Variants in GRM5 observed in about 807,000 individuals in gnomAD.
GRM5 encodes the protein glutamate metabotropic receptor 5.
Under a neutral mutation model 83.1 loss-of-function variants are expected in GRM5, and 19 were observed. The ratio of observed to expected loss-of-function variants is 0.23; its 90% CI spans 0.16 to 0.34. The LOEUF (loss-of-function observed/expected upper bound fraction) is 0.34. Among genes scored for constraint, GRM5 ranks in the 10% least tolerant of loss-of-function variants. GRM5 has a pLI of 1.00. For synonymous variants in GRM5, 675 were observed against 633.6 expected (o/e 1.07, Z -0.98); for missense variants, 1,160 against 1,588.3 (o/e 0.73, Z 4.58).
At chr11:88,930,391 G>C (rs1374280193) in intron 2 of GRM5, among the ~76,000 whole-genome samples, 3 of 152,122 alleles carry the variant, frequency 2.0e-5, no homozygotes, top group Non-Finnish European at 2.9e-5. Flanking sequence ...TCCAGCCCGG[G>C]CAACAGAAGT....
rs190663931 is a variant in GRM5, at chr11:88,985,151, G to C, written c.661+62061C>G. ...CTCTTAATCTCACCATGTTTTTTAA[G>C]ATTTGGTTGCAGTATCATCATTTCT... On this transcript the variant is annotated intron_variant, in intron 2 of 9. Transcript: ENST00000305447. 1.8e-3 allele frequency among the ~76,000 whole-genome samples: 272 copies of C among 152,124 alleles called. 1 individual carries two copies. Among genetic ancestry groups the C allele is most frequent in the African/African-American group, 6.3e-3 (262 of 41,540 alleles).
chr11:89,055,931 C>CAG (rs200237838), intron 1 of GRM5, among the ~76,000 whole-genome samples: 35,571 of 151,892 alleles, frequency 0.23, 5,626 homozygotes, highest in Non-Finnish European at 0.36. Context: ...AACTGAGGCT[C>CAG]AGAGAGATAC....
At chr11:88,971,931 A>G (rs1164381603) in intron 2 of GRM5, among the ~76,000 whole-genome samples, 2 of 152,062 alleles carry the variant, frequency 1.3e-5, no homozygotes, top group African/African-American at 4.8e-5. Flanking sequence ...TGCCAGAGGT[A>G]CTCTAGGGGC....
chr11:88,755,628 G>C (rs1248551800), intron 3 of GRM5, among the ~76,000 whole-genome samples: 5 of 152,150 alleles, frequency 3.3e-5, no homozygotes, highest in South Asian at 2.1e-4. Flanking sequence ...TGGAATTGTA[G>C]TATGCCTAAG....
At chr11:88,655,363 G>A (rs1322883780) in intron 3 of GRM5, among the ~76,000 whole-genome samples, 1 of 152,004 alleles carries the variant, frequency 6.6e-6, no homozygotes, top group Admixed American at 6.6e-5. Context: ...AGCAGCATGG[G>A]CGTGTTGCAA....
At chr11:89,036,455 C>T (rs1010285994) in intron 2 of GRM5, among the ~76,000 whole-genome samples, 1 of 151,750 alleles carries the variant, frequency 6.6e-6, no homozygotes, top group Non-Finnish European at 1.5e-5. Context: ...TCTTCAAGGC[C>T]AAGATAAGGC....
chr11:89,042,162 G>A (rs945898546), intron 2 of GRM5, among the ~76,000 whole-genome samples: 7 of 152,020 alleles, frequency 4.6e-5, no homozygotes, highest in Non-Finnish European at 8.8e-5. Context: ...CTCCTGTGAA[G>A]GCTAATTTTT....
intron 8 of GRM5, among the ~76,000 whole-genome samples, chr11:88,554,837 T>G (rs1404813604): frequency 6.6e-6 from 1 of 152,076 alleles, no homozygotes; most frequent in East Asian, 1.9e-4. Flanking sequence ...ATGGGCAGAG[T>G]GGAGAGTATG....
intron 3 of GRM5, among the ~76,000 whole-genome samples, chr11:88,718,094 C>T (rs1205151446): frequency 6.6e-6 from 1 of 151,716 alleles, no homozygotes; most frequent in East Asian, 1.9e-4. Context: ...TGTAGTCTAG[C>T]CCCTGGCTAC....
At chr11:89,061,830 T>G (rs1165482318) in intron 1 of GRM5, among the ~76,000 whole-genome samples, 1 of 152,242 alleles carries the variant, frequency 6.6e-6, no homozygotes, top group Admixed American at 6.5e-5. Context: ...GGGCTTTTTG[T>G]GAGTGTGTAG....
chr11:88,817,244 C>T (rs1487018494), intron 3 of GRM5, among the ~76,000 whole-genome samples: 2 of 152,002 alleles, frequency 1.3e-5, no homozygotes, highest in Non-Finnish European at 2.9e-5. Flanking sequence ...ATTTTGGATA[C>T]GTTTGCTTAT....
chr11:88,835,846 T>A (rs1944085183), intron 3 of GRM5, among the ~76,000 whole-genome samples: 1 of 152,112 alleles, frequency 6.6e-6, no homozygotes. Context: ...AATGAGGAGG[T>A]AGTTCAAATG....
intron 2 of GRM5, among the ~76,000 whole-genome samples, chr11:88,926,230 TA>T (rs1473696445): frequency 6.6e-6 from 1 of 152,122 alleles, no homozygotes; most frequent in African/African-American, 2.4e-5. Context: ...CAAATCCTTC[TA>T]AAATCAAAAA....
chr11:88,677,136 A>G (rs1940352455), intron 3 of GRM5, among the ~76,000 whole-genome samples: 1 of 152,104 alleles, frequency 6.6e-6, no homozygotes, highest in South Asian at 2.1e-4. Flanking sequence ...AGTTAATTTT[A>G]CTATATTCAT....
At chr11:88,547,960 A>G (rs1352226409) in intron 8 of GRM5, among the ~76,000 whole-genome samples, 2 of 152,216 alleles carry the variant, frequency 1.3e-5, no homozygotes, top group Non-Finnish European at 2.9e-5. Flanking sequence ...ACTAATGGAA[A>G]TATTTGATCT....
intron 3 of GRM5, among the ~76,000 whole-genome samples, chr11:88,669,678 T>A (rs994503138): frequency 6.6e-6 from 1 of 151,716 alleles, no homozygotes; most frequent in Non-Finnish European, 1.5e-5. Flanking sequence ...AAATACAAAT[T>A]AAAAATTTAA....
At chr11:88,743,994 G>T (rs6483413) in intron 3 of GRM5, among the ~76,000 whole-genome samples, 2 of 151,892 alleles carry the variant, frequency 1.3e-5, no homozygotes, top group East Asian at 1.9e-4. Context: ...TGATACAAAG[G>T]TTGCTGAACA....
chr11:88,892,999 C>A (rs1194398054), intron 2 of GRM5, among the ~76,000 whole-genome samples: 2 of 152,012 alleles, frequency 1.3e-5, no homozygotes, highest in African/African-American at 4.8e-5. Flanking sequence ...CTACACCACA[C>A]TTGCAGAAAT....
intron 2 of GRM5, among the ~76,000 whole-genome samples, chr11:88,867,418 A>G (rs1420682706): frequency 6.6e-6 from 1 of 151,774 alleles, no homozygotes; most frequent in Non-Finnish European, 1.5e-5. Flanking sequence ...GAAAGCAAAG[A>G]CTATACCATA....
Sources: allele counts gnomAD v4.1 joint callset (sites outside exome capture counted in the v4.1 genomes callset), GRCh38; gene constraint gnomAD v4.1.1; transcripts MANE v1.5; gene names NCBI Gene and HGNC (gene_info 2026-07-23, HGNC 2026-07-21).